The following ZNF469 variants were observed in gnomAD, a reference collection of about 807,000 sequenced individuals.
ZNF469 encodes the protein zinc finger protein 469.
ZNF469 carries 1 observed loss-of-function variant against 1.0 expected under a neutral mutation model. The observed-to-expected ratio is 1.00, with a 90% CI of 0.35 to 4.73. The LOEUF (loss-of-function observed/expected upper bound fraction) is 4.73. ZNF469 is among the 30% of genes most tolerant of loss of function. The probability of loss-of-function intolerance (pLI) is 0.16; values close to 1 mark genes in which losing one functional copy is unlikely to be tolerated. For missense variants in ZNF469, 6,100 were observed against 5,356.3 expected, an observed-to-expected ratio of 1.14 and a Z score of -4.33; for synonymous variants, 2,703 against 2,363.4, an observed-to-expected ratio of 1.14 and a Z score of -4.17.
At chr16:88,342,759 G>A in the ZNF469 span, among the ~76,000 whole-genome samples, 1 of 152,360 alleles carries the variant, frequency 6.6e-6, no homozygotes, top group African/African-American at 2.4e-5. Flanking sequence ...GTGGGAGAAC[G>A]TGCATAAGTG....
rs1365532781 is a variant in ZNF469 at position 88,427,596 on chromosome 16, C to T, written c.126C>T (p.Thr42=). 6.5e-7 allele frequency: 1 copy of T among 1,537,184 alleles called. No homozygotes were observed. Among genetic ancestry groups the T allele is most frequent in the Non-Finnish European group, 8.7e-7 (1 of 1,146,546 alleles). The change falls in exon 3 of 3, where the codon ACC becomes ACT. Residue 42 remains threonine (T), a synonymous_variant. Transcript: ENST00000565624. ...QPPLEDNTPA[T]RTTKGAREAG... ...CACTGGAGGACAACACCCCAGCTAC[C>T]AGGACCACCAAGGGTGCCAGGGAGG...
At chr16:88,372,377 C>T in the ZNF469 span, among the ~76,000 whole-genome samples, 1 of 142,478 alleles carries the variant, frequency 7.0e-6, no homozygotes. Context: ...ACCATCATCC[C>T]CATCATCATC....
chr16:88,104,140 T>A, the ZNF469 span, among the ~76,000 whole-genome samples: 1 of 150,334 alleles, frequency 6.7e-6, no homozygotes, highest in African/African-American at 2.5e-5. Context: ...AATTGGGACA[T>A]CAGAGAGGTT....
the ZNF469 span, among the ~76,000 whole-genome samples, chr16:88,330,391 C>A: frequency 6.6e-6 from 1 of 152,242 alleles, no homozygotes. Context: ...CATAGCCACG[C>A]CTTCTGAAAA....
chr16:88,392,157 T>C (rs1255531767), intron 1 of ZNF469, among the ~76,000 whole-genome samples: 1 of 152,276 alleles, frequency 6.6e-6, no homozygotes, highest in African/African-American at 2.4e-5. Context: ...ACCATGTGAT[T>C]GATACAAACG....
chr16:88,280,244 A>G, the ZNF469 span, among the ~76,000 whole-genome samples: 3 of 149,812 alleles, frequency 2.0e-5, no homozygotes, highest in Admixed American at 6.6e-5. Context: ...CCTGACGCTC[A>G]GTCAGTACTG....
the ZNF469 span, among the ~76,000 whole-genome samples, chr16:88,318,361 C>A: frequency 1.7e-3 from 266 of 152,346 alleles, no homozygotes; most frequent in Middle Eastern, 3.4e-3. Context: ...CGCTGCCCCC[C>A]CTTCCTCCTC....
the ZNF469 span, among the ~76,000 whole-genome samples, chr16:88,197,441 T>G: frequency 1.1e-4 from 16 of 152,224 alleles, no homozygotes; most frequent in African/African-American, 3.9e-4. Flanking sequence ...CAGTTAATGT[T>G]TATCCCACAG....
At chr16:88,314,417 G>T in the ZNF469 span, among the ~76,000 whole-genome samples, 1 of 141,436 alleles carries the variant, frequency 7.1e-6, no homozygotes, top group South Asian at 2.6e-4. Context: ...TGCTGGTGTG[G>T]ACTGTCATCT....
At chr16:88,294,015 T>G in the ZNF469 span, among the ~76,000 whole-genome samples, 2 of 152,168 alleles carry the variant, frequency 1.3e-5, no homozygotes, top group Admixed American at 6.5e-5. Context: ...CAGCTCCGAG[T>G]GCCAGGACTG....
the ZNF469 span, among the ~76,000 whole-genome samples, chr16:88,132,135 C>T: frequency 0.033 from 5,017 of 151,942 alleles, no homozygotes; most frequent in African/African-American, 0.11. Flanking sequence ...TGGCCCCGGC[C>T]ATACCGATGG....
chr16:88,192,716 T>C, the ZNF469 span, among the ~76,000 whole-genome samples: 3 of 152,278 alleles, frequency 2.0e-5, no homozygotes, highest in African/African-American at 7.2e-5. Context: ...GTGATAATGG[T>C]GGTGATGATG....
chr16:88,414,375 T>C (rs1207593020), intron 1 of ZNF469, among the ~76,000 whole-genome samples: 1 of 152,192 alleles, frequency 6.6e-6, no homozygotes, highest in African/African-American at 2.4e-5. Flanking sequence ...GCATCTGGCC[T>C]CGGGGGCACC....
the ZNF469 span, among the ~76,000 whole-genome samples, chr16:88,352,342 A>G: frequency 6.6e-6 from 1 of 152,210 alleles, no homozygotes. Context: ...AGGAATGACA[A>G]ATTTGCCTGG....
chr16:88,387,311 T>C (rs1357388578), intron 1 of ZNF469, among the ~76,000 whole-genome samples: 1 of 152,146 alleles, frequency 6.6e-6, no homozygotes, highest in East Asian at 1.9e-4. Context: ...TGAGTCCACG[T>C]CACTCCCGGT....
chr16:88,436,283 T>TCCTCCTGGATGGGTTCCTC lies in ZNF469; in HGVS notation c.8814_8832dup (p.Asn2945ProfsTer8). On this transcript the variant is annotated frameshift_variant, in exon 3 of 3. Coordinates refer to ENST00000565624, the MANE Select transcript of ZNF469 (RefSeq NM_001367624.2). LOFTEE classifies it low-confidence loss of function (END_TRUNC). Reference sequence around the variant, plus strand: ...GATCCCGCAGGTCTGCCCGAGTCCTTCCTCCTGGATGGGTTCCTCAATAGC... The same window carrying TCCTCCTGGATGGGTTCCTC: ...GATCCCGCAGGTCTGCCCGAGTCCTTCCTCCTGGATGGGTTCCTCCCTCCTGGATGGGTTCCTCAATAGC... The TCCTCCTGGATGGGTTCCTC allele has an allele frequency of 6.5e-7, 1 of 1,549,966 alleles. No individual in the cohort carries two copies. The highest frequency in any genetic ancestry group is 8.7e-7 in the Non-Finnish European group (1 of 1,146,798).
At chr16:88,199,203 C>T in the ZNF469 span, among the ~76,000 whole-genome samples, 11 of 152,210 alleles carry the variant, frequency 7.2e-5, no homozygotes, top group Non-Finnish European at 1.5e-4. Flanking sequence ...GGGCACCGCC[C>T]ACCTGGCAGA....
At chr16:88,373,726 G>A in the ZNF469 span, among the ~76,000 whole-genome samples, 1 of 152,208 alleles carries the variant, frequency 6.6e-6, no homozygotes, top group Admixed American at 6.5e-5. Flanking sequence ...GCAGGGTGCG[G>A]TGGCTCACGC....
chr16:88,182,354 T>C, the ZNF469 span, among the ~76,000 whole-genome samples: 2 of 152,048 alleles, frequency 1.3e-5, no homozygotes, highest in African/African-American at 4.8e-5. Flanking sequence ...TCAGACTTTT[T>C]TTTTCTTTTA....
Sources: gnomAD v4.1 joint callset for allele counts (sites outside exome capture counted in the v4.1 genomes callset) on GRCh38, gnomAD v4.1.1 for gene constraint, MANE v1.5 for transcripts, NCBI Gene and HGNC (gene_info 2026-07-23, HGNC 2026-07-21) for gene names.